Variants in NALF1 observed in about 807,000 individuals in gnomAD.
NALF1 encodes the protein NALCN channel auxiliary factor 1.
NALF1 carries 3 observed loss-of-function variants against 48.4 expected under a neutral mutation model. The observed-to-expected ratio is 0.06, with a 90% CI of 0.03 to 0.16. The LOEUF (loss-of-function observed/expected upper bound fraction) is 0.16, where lower values mean the gene tolerates loss of function less well. Ranked by LOEUF, NALF1 falls within the 10% of genes least tolerant of loss-of-function variation. The pLI is 1.00. For synonymous variants in NALF1, 262 were observed against 245.7 expected, an observed-to-expected ratio of 1.07 and a Z score of -0.62; for missense variants, 526 against 571.5, an observed-to-expected ratio of 0.92 and a Z score of 0.81.
intron 1 of NALF1, among the ~76,000 whole-genome samples, chr13:107,616,369 A>G (rs1300542485): frequency 6.6e-6 from 1 of 152,214 alleles, no homozygotes; most frequent in African/African-American, 2.4e-5. Flanking sequence ...CACATTGCAT[A>G]ATAATCCAAG....
At chr13:107,851,949 A>C (rs1266391872) in intron 1 of NALF1, among the ~76,000 whole-genome samples, 6 of 150,906 alleles carry the variant, frequency 4.0e-5, no homozygotes, top group Admixed American at 4.0e-4. Flanking sequence ...GCTTGGACTC[A>C]GTGCATGCCA....
chr13:107,182,604 A>G (rs536635305), intron 2 of NALF1, among the ~76,000 whole-genome samples: 33 of 152,202 alleles, frequency 2.2e-4, no homozygotes, highest in African/African-American at 7.0e-4. Context: ...ATTTTTTCAT[A>G]ATTTGTGAAA....
chr13:107,440,307 G>C (rs760037179), intron 1 of NALF1, among the ~76,000 whole-genome samples: 1 of 152,192 alleles, frequency 6.6e-6, no homozygotes, highest in African/African-American at 2.4e-5. Context: ...AGCTGTGGAA[G>C]ATGAGAGAAA....
intron 1 of NALF1, among the ~76,000 whole-genome samples, chr13:107,785,912 A>G (rs9559156): frequency 0.16 from 23,698 of 151,936 alleles, 2,231 homozygotes; most frequent in Admixed American, 0.27. Context: ...GGTTTTATTT[A>G]GAGAGAGAGA....
chr13:107,468,047 CAA>C (rs1287757353), intron 1 of NALF1, among the ~76,000 whole-genome samples: 21 of 75,596 alleles, frequency 2.8e-4, no homozygotes, highest in East Asian at 7.2e-4. Flanking sequence ...GACTCCGTCT[CAA>C]AAAAAAAAAA....
chr13:107,337,261 G>C (rs968455377), intron 1 of NALF1, among the ~76,000 whole-genome samples: 1 of 151,872 alleles, frequency 6.6e-6, no homozygotes, highest in Non-Finnish European at 1.5e-5. Flanking sequence ...GCATAATTCT[G>C]TTATTTCTTT....
At chr13:107,218,330 T>C (rs7332328) in intron 1 of NALF1, among the ~76,000 whole-genome samples, 102,831 of 152,130 alleles carry the variant, frequency 0.68, 36,259 homozygotes, top group African/African-American at 0.87. Context: ...GCTCTTGGAA[T>C]GAAGGCCAAG....
chr13:107,311,091 A>G (rs1392700814), intron 1 of NALF1, among the ~76,000 whole-genome samples: 2 of 152,204 alleles, frequency 1.3e-5, no homozygotes, highest in African/African-American at 4.8e-5. Context: ...AAGTGACGTT[A>G]TAACACATTT....
intron 1 of NALF1, among the ~76,000 whole-genome samples, chr13:107,742,046 ATTTC>A (rs2138545051): frequency 6.6e-6 from 1 of 152,290 alleles, no homozygotes; most frequent in East Asian, 1.9e-4. Flanking sequence ...TTACAATGTG[ATTTC>A]TTTAAGTAAT....
intron 1 of NALF1, among the ~76,000 whole-genome samples, chr13:107,354,145 G>A (rs1029633373): frequency 8.5e-5 from 13 of 152,074 alleles, no homozygotes; most frequent in African/African-American, 2.7e-4. Context: ...AACATAAACA[G>A]CATTTTATTT....
intron 1 of NALF1, among the ~76,000 whole-genome samples, chr13:107,734,004 T>C (rs1876389578): frequency 6.6e-6 from 1 of 152,180 alleles, no homozygotes; most frequent in South Asian, 2.1e-4. Context: ...TACAGTATGC[T>C]ACTGTACTGA....
chr13:107,226,895 A>G (rs536337990), intron 1 of NALF1, among the ~76,000 whole-genome samples: 1 of 152,360 alleles, frequency 6.6e-6, no homozygotes, highest in South Asian at 2.1e-4. Flanking sequence ...GCCAGAGTTC[A>G]TCTCCCAGAA....
intron 1 of NALF1, among the ~76,000 whole-genome samples, chr13:107,548,006 C>T (rs766626728): frequency 1.5e-4 from 23 of 151,882 alleles, no homozygotes; most frequent in Admixed American, 1.3e-3. Flanking sequence ...CAGGAGTGCA[C>T]GTGCAGGTTT....
At chr13:107,548,431 T>C (rs1253157512) in intron 1 of NALF1, among the ~76,000 whole-genome samples, 1 of 152,162 alleles carries the variant, frequency 6.6e-6, no homozygotes, top group African/African-American at 2.4e-5. Flanking sequence ...TGAAAAAACA[T>C]CTGCATGCAT....
chr13:107,314,848 A>T (rs1345035608), intron 1 of NALF1, among the ~76,000 whole-genome samples: 2 of 152,198 alleles, frequency 1.3e-5, no homozygotes, highest in East Asian at 3.9e-4. Context: ...TTGAGAAATG[A>T]ACTGACGAGT....
chr13:107,570,560 TTTTA>T (rs1372210792), intron 1 of NALF1, among the ~76,000 whole-genome samples: 8 of 115,842 alleles, frequency 6.9e-5, no homozygotes, highest in South Asian at 6.1e-4. Context: ...TATTTTTTTC[TTTTA>T]TTTATTTATT....
chr13:107,459,411 C>T (rs931811277), intron 1 of NALF1, among the ~76,000 whole-genome samples: 1 of 150,190 alleles, frequency 6.7e-6, no homozygotes, highest in Non-Finnish European at 1.5e-5. Flanking sequence ...ATATATAAGG[C>T]CTGTTTTGTT....
At chr13:107,397,745 A>C (rs555763641) in intron 1 of NALF1, among the ~76,000 whole-genome samples, 2 of 152,080 alleles carry the variant, frequency 1.3e-5, no homozygotes, top group East Asian at 3.9e-4. Context: ...TGCCCTAGGT[A>C]CCTAAGCCCT....
chr13:107,684,624 G>A lies in NALF1; in HGVS notation c.915+181058C>T, dbSNP rs1005524877. 2.0e-5 allele frequency among the ~76,000 whole-genome samples: 3 copies of A among 152,042 alleles called. No homozygotes were observed. The East Asian group carries it at 5.8e-4, about 29-fold the overall frequency. On this transcript the variant is annotated intron_variant, in intron 1 of 2. Transcript: ENST00000375915. The stretch of plus-strand genomic sequence containing the variant: ...CTTTGGAACACACTTTTCTAAAATA[G>A]AATACTGACAATAGACTCTCTGGCT...
Sources: allele counts gnomAD v4.1 joint callset (sites outside exome capture counted in the v4.1 genomes callset), GRCh38; gene constraint gnomAD v4.1.1; transcripts MANE v1.5; gene names NCBI Gene and HGNC (gene_info 2026-07-23, HGNC 2026-07-21).